Variants in NALF1 observed in about 807,000 individuals in gnomAD.
The protein encoded by NALF1 is family with sequence similarity 155 member A.
Under a neutral mutation model 48.4 loss-of-function variants are expected in NALF1, and 3 were observed. The observed-to-expected ratio is 0.06, with a 90% confidence interval of 0.03 to 0.16. The LOEUF is 0.16. NALF1 is among the 10% of genes least tolerant of loss of function. The pLI is 1.00. For missense variants in NALF1, 526 were observed against 571.5 expected (o/e 0.92, Z 0.81); for synonymous variants, 262 against 245.7 (o/e 1.07, Z -0.62).
chr13:107,764,071 T>C (rs1337360624), intron 1 of NALF1, among the ~76,000 whole-genome samples: 1 of 152,190 alleles, frequency 6.6e-6, no homozygotes. Context: ...AATGTATCAC[T>C]GGTCACTCTT....
chr13:107,303,229 G>A (rs1157133142), intron 1 of NALF1, among the ~76,000 whole-genome samples: 2 of 151,940 alleles, frequency 1.3e-5, no homozygotes, highest in East Asian at 1.9e-4. Context: ...CCCATCTTTG[G>A]TATCTTTTTG....
At chr13:107,818,760 T>C (rs1879256263) in intron 1 of NALF1, among the ~76,000 whole-genome samples, 4 of 141,010 alleles carry the variant, frequency 2.8e-5, no homozygotes, top group Admixed American at 2.8e-4. Context: ...TAGTCCCAGC[T>C]ACTCGGGAGG....
At chr13:107,388,611 A>T (rs1201151265) in intron 1 of NALF1, among the ~76,000 whole-genome samples, 1 of 152,214 alleles carries the variant, frequency 6.6e-6, no homozygotes, top group Non-Finnish European at 1.5e-5. Flanking sequence ...AAGAAAAAAT[A>T]AATTTCCCTA....
chr13:107,470,020 G>A (rs569993507), intron 1 of NALF1, among the ~76,000 whole-genome samples: 1 of 152,118 alleles, frequency 6.6e-6, no homozygotes, highest in South Asian at 2.1e-4. Context: ...TGAGATTACA[G>A]GCATGAGCCA....
At chr13:107,518,662 A>T (rs567629962) in intron 1 of NALF1, among the ~76,000 whole-genome samples, 1 of 152,324 alleles carries the variant, frequency 6.6e-6, no homozygotes, top group South Asian at 2.1e-4. Flanking sequence ...ATGATGGATG[A>T]GTAAATGTAT....
intron 1 of NALF1, among the ~76,000 whole-genome samples, chr13:107,724,076 G>A (rs1347854861): frequency 6.6e-6 from 1 of 152,032 alleles, no homozygotes; most frequent in African/African-American, 2.4e-5. Flanking sequence ...ACGTAATACT[G>A]CTTACAAAGA....
Position 107,298,418 on chromosome 13 carries a change from C to CT in NALF1, c.916-87664dup, listed in dbSNP as rs1481124073. Reference sequence around the variant, plus strand: ...CACACACACATACATATACACGTTTCTTTTTTATTTTTATTTTATTTATTT... The same window carrying CT: ...CACACACACATACATATACACGTTTCTTTTTTTATTTTTATTTTATTTATTT... On this transcript the variant is annotated intron_variant, in intron 1 of 2. Transcript: ENST00000375915. Among the ~76,000 whole-genome samples, 4 of 136,784 alleles carry CT rather than the reference C, an allele frequency of 2.9e-5. No homozygotes were observed. In the East Asian group the frequency reaches 9.5e-4, roughly 33 times the overall value. The allele number at this position is 136,784 out of a possible 152,430, so 89.7% of individuals were successfully genotyped here.
intron 1 of NALF1, among the ~76,000 whole-genome samples, chr13:107,851,341 G>GTT (rs34705065): frequency 4.9e-5 from 7 of 143,474 alleles, no homozygotes; most frequent in African/African-American, 7.7e-5. Flanking sequence ...CAGATGAACA[G>GTT]TTTTTTTTTT....
intron 1 of NALF1, among the ~76,000 whole-genome samples, chr13:107,694,403 C>G (rs1429645444): frequency 6.6e-6 from 1 of 152,130 alleles, no homozygotes; most frequent in East Asian, 1.9e-4. Flanking sequence ...CTCTCTCTCT[C>G]TCTTTATATA....
At chr13:107,693,894 A>G (rs770529936) in intron 1 of NALF1, among the ~76,000 whole-genome samples, 1 of 152,272 alleles carries the variant, frequency 6.6e-6, no homozygotes, top group Admixed American at 6.5e-5. Context: ...TGCTTGCAAG[A>G]TCTTATTAGG....
At chr13:107,535,400 A>G (rs1456552180) in intron 1 of NALF1, among the ~76,000 whole-genome samples, 1 of 152,106 alleles carries the variant, frequency 6.6e-6, no homozygotes, top group Non-Finnish European at 1.5e-5. Context: ...AGGGCTGTTG[A>G]ATTTTTTCAA....
intron 1 of NALF1, among the ~76,000 whole-genome samples, chr13:107,581,038 A>T (rs77724555): frequency 0.027 from 4,164 of 152,306 alleles, 180 homozygotes; most frequent in African/African-American, 0.093. Flanking sequence ...AGAGCAACGT[A>T]AAAGGCTCTG....
At chr13:107,576,709 G>C (rs892310337) in intron 1 of NALF1, among the ~76,000 whole-genome samples, 2 of 152,172 alleles carry the variant, frequency 1.3e-5, no homozygotes, top group Admixed American at 1.3e-4. Flanking sequence ...AATTGGAAAG[G>C]CCATTCTAGG....
chr13:107,247,531 T>C (rs2138840974), intron 1 of NALF1, among the ~76,000 whole-genome samples: 1 of 152,320 alleles, frequency 6.6e-6, no homozygotes, highest in East Asian at 1.9e-4. Flanking sequence ...AAAAGATGTT[T>C]AGTGGGAAAA....
At chr13:107,573,013 T>G (rs1461712518) in intron 1 of NALF1, among the ~76,000 whole-genome samples, 2 of 152,138 alleles carry the variant, frequency 1.3e-5, no homozygotes, top group African/African-American at 2.4e-5. Flanking sequence ...TGCTCCCCAC[T>G]GTCCACCCTG....
At position 107,696,814 on chromosome 13, in the gene NALF1, T is replaced by C. The variant is rs545236074; in HGVS notation, c.915+168868A>G. ...TCTTGCATGATTTTTGCTTTTCTAA[T>C]TGGCCTGGGTTTTGTATTTTGTAGA... On this transcript the variant is annotated intron_variant, in intron 1 of 2. Transcript: ENST00000375915. Among the ~76,000 whole-genome samples, 7 of 152,262 alleles carry C rather than the reference T, an allele frequency of 4.6e-5. No individual in the cohort carries two copies. In the South Asian group the frequency reaches 1.4e-3, roughly 32 times the overall value.
At chr13:107,368,387 G>C (rs1221373701) in intron 1 of NALF1, among the ~76,000 whole-genome samples, 1 of 151,128 alleles carries the variant, frequency 6.6e-6, no homozygotes, top group Admixed American at 6.6e-5. Flanking sequence ...CCCAATCTCG[G>C]CTCACTAAAA....
chr13:107,173,301 C>A (rs1187034788), intron 2 of NALF1, among the ~76,000 whole-genome samples: 1 of 152,178 alleles, frequency 6.6e-6, no homozygotes, highest in Non-Finnish European at 1.5e-5. Flanking sequence ...AACCCTCACC[C>A]ATTCCTCCAT....
intron 1 of NALF1, among the ~76,000 whole-genome samples, chr13:107,629,830 G>A (rs553728905): frequency 6.6e-6 from 1 of 152,194 alleles, no homozygotes; most frequent in Non-Finnish European, 1.5e-5. Context: ...ATATGTATGT[G>A]TATGTATTCA....
Sources: gnomAD v4.1 joint callset for allele counts (sites outside exome capture counted in the v4.1 genomes callset) on GRCh38, gnomAD v4.1.1 for gene constraint, MANE v1.5 for transcripts, NCBI Gene and HGNC (gene_info 2026-07-23, HGNC 2026-07-21) for gene names.